ARB2A: variants seen among roughly 807,000 people sequenced by gnomAD.
ARB2A encodes cotranscriptional regulator ARB2A.
At chr5:94,013,606 A>G in the ARB2A span, among the ~76,000 whole-genome samples, 3 of 152,188 alleles carry the variant, frequency 2.0e-5, no homozygotes, top group Admixed American at 6.5e-5. Flanking sequence ...CAATACAGAA[A>G]ATACAATGAA....
the ARB2A span, among the ~76,000 whole-genome samples, chr5:93,752,731 A>C: frequency 1.3e-5 from 2 of 152,322 alleles, no homozygotes; most frequent in East Asian, 3.8e-4. Context: ...TTTTATATTT[A>C]GATAAGTTAT....
At chr5:93,808,928 T>C in the ARB2A span, among the ~76,000 whole-genome samples, 1 of 152,016 alleles carries the variant, frequency 6.6e-6, no homozygotes, top group African/African-American at 2.4e-5. Flanking sequence ...AACTATAATA[T>C]AGATACTACC....
chr5:93,799,474 A>G, the ARB2A span, among the ~76,000 whole-genome samples: 1 of 152,096 alleles, frequency 6.6e-6, no homozygotes, highest in African/African-American at 2.4e-5. Flanking sequence ...GCTTGAGGTA[A>G]TAAACGATTA....
chr5:93,647,533 T>TTTTG, the ARB2A span, among the ~76,000 whole-genome samples: 2,178 of 151,750 alleles, frequency 0.014, 55 homozygotes, highest in African/African-American at 0.049. Context: ...GCCCACAGTT[T>TTTTG]TTTGTTTGTT....
At chr5:93,778,499 G>C in the ARB2A span, among the ~76,000 whole-genome samples, 1 of 152,102 alleles carries the variant, frequency 6.6e-6, no homozygotes, top group Admixed American at 6.5e-5. Flanking sequence ...CTAAAAATAG[G>C]CTCCCAATGA....
At chr5:93,618,276 T>C in the ARB2A span, 119 of 152,292 alleles carry the variant, frequency 7.8e-4, no homozygotes, top group African/African-American at 2.8e-3. Flanking sequence ...AACGACGGGA[T>C]GGCTAGTACC....
At chr5:94,041,099 T>G in the ARB2A span, among the ~76,000 whole-genome samples, 1 of 151,602 alleles carries the variant, frequency 6.6e-6, no homozygotes, top group East Asian at 1.9e-4. Flanking sequence ...TCTCGGTCTC[T>G]CTCTCTCTCT....
chr5:93,935,869 T>C, the ARB2A span, among the ~76,000 whole-genome samples: 1 of 152,160 alleles, frequency 6.6e-6, no homozygotes, highest in African/African-American at 2.4e-5. Flanking sequence ...ACAAGTCTAT[T>C]AGCTTTAATA....
the ARB2A span, among the ~76,000 whole-genome samples, chr5:93,936,741 T>A: frequency 6.6e-6 from 1 of 152,148 alleles, no homozygotes; most frequent in East Asian, 1.9e-4. Flanking sequence ...ATTCTACCTA[T>A]GCCTTCTGTT....
chr5:93,660,042 T>A, the ARB2A span, among the ~76,000 whole-genome samples: 24 of 151,870 alleles, frequency 1.6e-4, no homozygotes, highest in South Asian at 1.2e-3. Context: ...TTTTTTTTTT[T>A]AAATCTTAAC....
chr5:93,718,261 G>A, the ARB2A span, among the ~76,000 whole-genome samples: 1 of 152,008 alleles, frequency 6.6e-6, no homozygotes, highest in Non-Finnish European at 1.5e-5. Flanking sequence ...CTAACATGGT[G>A]AAACCCCTAC....
chr5:93,952,112 G>A, the ARB2A span, among the ~76,000 whole-genome samples: 4 of 152,190 alleles, frequency 2.6e-5, no homozygotes, highest in East Asian at 3.8e-4. Context: ...AGGATGAGTA[G>A]AGGGAAGAAG....
the ARB2A span, among the ~76,000 whole-genome samples, chr5:94,002,402 C>T: frequency 6.6e-6 from 1 of 151,968 alleles, no homozygotes; most frequent in African/African-American, 2.4e-5. Flanking sequence ...TTAACTCTTA[C>T]ACTTGTCTGC....
At chr5:93,953,855 CCCACTCTCCCCTCCCCTTT>C in the ARB2A span, among the ~76,000 whole-genome samples, 2 of 152,016 alleles carry the variant, frequency 1.3e-5, no homozygotes, top group Non-Finnish European at 2.9e-5. Context: ...CAAAGTCCTT[CCCACTCTCCCCTCCCCTTT>C]CCACAAGCAG....
the ARB2A span, among the ~76,000 whole-genome samples, chr5:93,680,106 T>C: frequency 6.6e-6 from 1 of 152,106 alleles, no homozygotes; most frequent in African/African-American, 2.4e-5. Context: ...TAATATTACA[T>C]AAGCATACAC....
chr5:93,647,399 G>C, the ARB2A span, among the ~76,000 whole-genome samples: 1 of 152,206 alleles, frequency 6.6e-6, no homozygotes, highest in Non-Finnish European at 1.5e-5. Context: ...TCTAATTTTT[G>C]TATTTTTTAG....
At chr5:93,840,362 A>C in the ARB2A span, among the ~76,000 whole-genome samples, 6 of 152,178 alleles carry the variant, frequency 3.9e-5, no homozygotes, top group Non-Finnish European at 1.5e-5. Context: ...ACAAACGATA[A>C]ATATTCAGAA....
the ARB2A span, among the ~76,000 whole-genome samples, chr5:94,017,604 TAA>T: frequency 4.6e-5 from 7 of 152,132 alleles, no homozygotes; most frequent in African/African-American, 7.2e-5. Context: ...CCAGATATGC[TAA>T]AAGAGTATAT....
At chr5:93,773,749 T>C in the ARB2A span, among the ~76,000 whole-genome samples, 2 of 152,172 alleles carry the variant, frequency 1.3e-5, no homozygotes. Context: ...TTTTCCATGA[T>C]TACCATATGT....
Sources: allele counts gnomAD v4.1 joint callset (sites outside exome capture counted in the v4.1 genomes callset), GRCh38; gene constraint gnomAD v4.1.1; transcripts MANE v1.5; gene names NCBI Gene and HGNC (gene_info 2026-07-23, HGNC 2026-07-21).